SHANK2: variants seen among roughly 807,000 people sequenced by gnomAD.
The protein encoded by SHANK2 is SH3 and multiple ankyrin repeat domains 2, also known as SH3 and multiple ankyrin repeat domains protein 2.
SHANK2 carries 43 observed loss-of-function variants against 133.7 expected under a neutral mutation model. That is an observed-to-expected ratio of 0.32 (90% CI 0.25 to 0.41). The LOEUF is 0.41. SHANK2 is among the 10% of genes least tolerant of loss of function. SHANK2 has a pLI of 1.00. For missense variants in SHANK2, 1,994 were observed against 2,235.8 expected (o/e 0.89, Z 2.18); for synonymous variants, 1,017 against 952.8 (o/e 1.07, Z -1.24).
Position 70,819,723 on chromosome 11 carries a change from G to C in SHANK2, c.1493+641C>G, listed in dbSNP as rs140235198. On this transcript the variant is annotated intron_variant, in intron 12 of 25. Coordinates refer to ENST00000601538, the MANE Select transcript of SHANK2 (RefSeq NM_012309.5). ...GCACAGGCTCCTGTCACCTGGGGCT[G>C]CTTCAGAGACTGACAGACATGCCCT... 4.9e-4 allele frequency among the ~76,000 whole-genome samples: 74 copies of C among 152,300 alleles called. No individual in the cohort carries two copies. In the East Asian group the frequency reaches 0.011, roughly 23 times the overall value.
intron 11 of SHANK2, among the ~76,000 whole-genome samples, chr11:70,879,348 T>A (rs1949620721): frequency 6.6e-6 from 1 of 152,244 alleles, no homozygotes; most frequent in African/African-American, 2.4e-5. Flanking sequence ...AGCATATTCT[T>A]ATGAGGCTCC....
chr11:70,795,809 C>G (rs113648781), intron 14 of SHANK2, among the ~76,000 whole-genome samples: 1 of 152,040 alleles, frequency 6.6e-6, no homozygotes. Context: ...GCTTTGGAGA[C>G]GGAGGAAGGG....
chr11:71,210,227 TATATATATATATATATATA>T (rs1954233044), intron 2 of SHANK2, among the ~76,000 whole-genome samples: 2 of 67,956 alleles, frequency 2.9e-5, no homozygotes, highest in African/African-American at 5.9e-5. Flanking sequence ...TATATATATA[TATATATATATATATATATA>T]TATATATTTA....
intron 17 of SHANK2, among the ~76,000 whole-genome samples, chr11:70,514,845 A>C (rs2059245923): frequency 6.6e-6 from 1 of 152,236 alleles, no homozygotes. Flanking sequence ...CAAACTTGTA[A>C]ACCTAGATGG....
chr11:71,251,908 G>C lies in SHANK2; in HGVS notation c.-113+517C>G, dbSNP rs868973858. 6.6e-4 allele frequency among the ~76,000 whole-genome samples: 101 copies of C among 152,008 alleles called. 2 individuals carry two copies. In the Middle Eastern group the frequency reaches 0.01, roughly 15 times the overall value. On this transcript the variant is annotated intron_variant, in intron 1 of 25. Coordinates refer to ENST00000601538, the MANE Select transcript of SHANK2 (RefSeq NM_012309.5). The stretch of plus-strand genomic sequence containing the variant: ...GGGTCTCGGGGGACCTGGCGGCCAC[G>C]GTTCGGGTCTCCGCCCCCGCGCGCC...
At chr11:71,214,286 A>G (rs1338407261) in intron 2 of SHANK2, among the ~76,000 whole-genome samples, 2 of 152,184 alleles carry the variant, frequency 1.3e-5, no homozygotes, top group Non-Finnish European at 2.9e-5. Flanking sequence ...AAAATCCCGC[A>G]GCACAAATGA....
chr11:70,496,099 G>A (rs1264181114), intron 21 of SHANK2, among the ~76,000 whole-genome samples: 4 of 152,164 alleles, frequency 2.6e-5, no homozygotes, highest in South Asian at 2.1e-4. Flanking sequence ...GATGCAGGAC[G>A]GCCGAGGCCC....
chr11:70,791,605 C>G (rs1363485916), intron 14 of SHANK2, among the ~76,000 whole-genome samples: 1 of 152,212 alleles, frequency 6.6e-6, no homozygotes, highest in Non-Finnish European at 1.5e-5. Context: ...TCAGAGCTAG[C>G]CAGAGACAGC....
Position 70,486,389 on chromosome 11 carries a change from T to C in SHANK2, c.3904A>G (p.Ile1302Val), listed in dbSNP as rs1676601380. The C allele has an allele frequency of 6.2e-7, 1 of 1,613,886 alleles. No individual in the cohort carries two copies. The highest frequency in any genetic ancestry group is 1.7e-5 in the Admixed American group (1 of 60,000). The change falls in exon 25 of 26, where the codon ATC becomes GTC. Residue 1302 changes from isoleucine to valine, a missense_variant. Coordinates refer to ENST00000601538, the MANE Select transcript of SHANK2 (RefSeq NM_012309.5). The surrounding 1 kb of genome is among the most constrained non-coding windows in gnomAD (Gnocchi z 8.0). ...GDDKKNMLID[I>V]MDTSQQKSAG... ...GACTTCTGCTGGGACGTGTCCATGA[T>C]GTCGATCAGCATGTTCTTCTTGTCA...
At chr11:71,124,553 A>G (rs1389263637) in intron 3 of SHANK2, among the ~76,000 whole-genome samples, 1 of 151,948 alleles carries the variant, frequency 6.6e-6, no homozygotes, top group African/African-American at 2.4e-5. Flanking sequence ...TACTGTTTAT[A>G]TAATAATATT....
At position 71,118,864 on chromosome 11, in the gene SHANK2, G is replaced by A. The variant is rs1555100895; in HGVS notation, c.376C>T (p.Pro126Ser). The change falls in exon 4 of 26, where the codon CCA becomes TCA. Residue 126 changes from proline to serine, a missense_variant. Physicochemically the swap from Pro to Ser is moderately conservative, Grantham distance 74 (BLOSUM62 -1). Transcript: ENST00000601538. ...LDEERLLREY[P>S]QPVGEGVPSL... ...GGAACGCCCTCACCCACGGGCTGTG[G>A]GTACTCGCGCAGGAGCCGCTCCTCA... 1.3e-6 allele frequency: 2 copies of A among 1,551,622 alleles called. No individual in the cohort carries two copies. Among genetic ancestry groups the A allele is most frequent in the Admixed American group, 2.0e-5 (1 of 51,002 alleles).
chr11:70,492,293 C>T (rs782263315), intron 22 of SHANK2, 42 bp downstream of exon 22: 9 of 1,602,820 alleles, frequency 5.6e-6, no homozygotes, highest in African/African-American at 2.7e-5. Context: ...TCCTGGGCAC[C>T]GTCGGCCCCC....
intron 2 of SHANK2, among the ~76,000 whole-genome samples, chr11:71,154,943 G>A (rs1447736039): frequency 2.4e-5 from 2 of 84,478 alleles, no homozygotes; most frequent in Admixed American, 1.5e-4. Flanking sequence ...CGCTCCCAGA[G>A]GAGGGATGGA....
intron 8 of SHANK2, among the ~76,000 whole-genome samples, chr11:71,089,240 G>T (rs1000617093): frequency 3.6e-4 from 55 of 152,106 alleles, no homozygotes; most frequent in Non-Finnish European, 7.4e-5. Flanking sequence ...ATGCAGACGG[G>T]CTTGGCCTCA....
intron 10 of SHANK2, among the ~76,000 whole-genome samples, chr11:70,951,562 C>CATCATAAATTCATTTCCTCT (rs1950842915): frequency 3.8e-5 from 3 of 78,282 alleles, no homozygotes; most frequent in Admixed American, 3.0e-4. Flanking sequence ...TGCGTGGTGA[C>CATCATAAATTCATTTCCTCT]GTCATAAATT....
intron 11 of SHANK2, among the ~76,000 whole-genome samples, chr11:70,835,346 C>T (rs980522019): frequency 3.9e-5 from 6 of 152,110 alleles, no homozygotes; most frequent in Non-Finnish European, 8.8e-5. Context: ...AGACGTGCTC[C>T]GCCAGTTCTC....
At chr11:71,247,295 C>G (rs1303071573) in intron 1 of SHANK2, among the ~76,000 whole-genome samples, 1 of 152,096 alleles carries the variant, frequency 6.6e-6, no homozygotes, top group Admixed American at 6.5e-5. Context: ...GTACCGTAGC[C>G]TTTACAAATA....
chr11:71,194,376 G>C (rs1953856032), intron 2 of SHANK2, among the ~76,000 whole-genome samples: 1 of 152,220 alleles, frequency 6.6e-6, no homozygotes, highest in Non-Finnish European at 1.5e-5. Flanking sequence ...GGGGCTGCAG[G>C]AAGTCGGGGC....
chr11:70,594,206 G>T (rs769410203), intron 17 of SHANK2, among the ~76,000 whole-genome samples: 2 of 152,124 alleles, frequency 1.3e-5, no homozygotes, highest in Non-Finnish European at 2.9e-5. Flanking sequence ...GATATGATTC[G>T]GCCACAAAAA....
Sources: allele counts gnomAD v4.1 joint callset (sites outside exome capture counted in the v4.1 genomes callset), GRCh38; gene constraint gnomAD v4.1.1; non-coding constraint Gnocchi (gnomAD v3.1); transcripts MANE v1.5; gene names NCBI Gene and HGNC (gene_info 2026-07-23, HGNC 2026-07-21).